The following RGS6 variants were observed in gnomAD, a reference collection of about 807,000 sequenced individuals.
The protein encoded by RGS6 is regulator of G-protein signaling 6.
A neutral mutation model predicts 78.5 loss-of-function variants in RGS6; 30 were observed. The ratio of observed to expected loss-of-function variants is 0.38; its 90% CI spans 0.29 to 0.52. RGS6 has a LOEUF of 0.52. Ranked by LOEUF, RGS6 falls within the 20% of genes least tolerant of loss-of-function variation. The pLI is 0.85. For synonymous variants in RGS6, 206 were observed against 206.0 expected (o/e 1.00, Z 0.00); for missense variants, 495 against 609.7 (o/e 0.81, Z 1.98).
chr14:72,587,815 G>T, the RGS6 span, among the ~76,000 whole-genome samples: 3 of 152,118 alleles, frequency 2.0e-5, no homozygotes, highest in African/African-American at 7.2e-5. Context: ...GGCACAACCC[G>T]CCCTGCTTGG....
chr14:72,204,901 A>T (rs1295899865), intron 2 of RGS6, among the ~76,000 whole-genome samples: 3 of 152,144 alleles, frequency 2.0e-5, no homozygotes, highest in Non-Finnish European at 4.4e-5. Context: ...TCTACTCTTT[A>T]ATATAAGATT....
chr14:72,412,665 G>A (rs1336173631), intron 3 of RGS6, among the ~76,000 whole-genome samples: 1 of 152,144 alleles, frequency 6.6e-6, no homozygotes, highest in Non-Finnish European at 1.5e-5. Context: ...ATGTTAGGGT[G>A]TCAATTTTAG....
chr14:72,471,918 CAG>C (rs1232999752), intron 8 of RGS6, among the ~76,000 whole-genome samples: 2 of 152,162 alleles, frequency 1.3e-5, no homozygotes, highest in African/African-American at 2.4e-5. Flanking sequence ...AAGTTATAAA[CAG>C]AGGGGAAATT....
chr14:72,199,511 G>C (rs2040994248), intron 2 of RGS6, among the ~76,000 whole-genome samples: 1 of 152,176 alleles, frequency 6.6e-6, no homozygotes, highest in Non-Finnish European at 1.5e-5. Flanking sequence ...TGTGAATGCT[G>C]ACTTCCTATA....
intron 2 of RGS6, among the ~76,000 whole-genome samples, chr14:72,238,416 C>T (rs1454827405): frequency 6.6e-6 from 1 of 152,172 alleles, no homozygotes; most frequent in Admixed American, 6.5e-5. Context: ...TTCCCTGTCT[C>T]CTGTCTGTAT....
chr14:72,425,964 G>A (rs570158122), intron 3 of RGS6, among the ~76,000 whole-genome samples: 4 of 152,072 alleles, frequency 2.6e-5, no homozygotes, highest in South Asian at 2.1e-4. Context: ...GAATCTAAGC[G>A]GTAAAATTGT....
the RGS6 span, among the ~76,000 whole-genome samples, chr14:72,593,008 T>C: frequency 6.6e-6 from 1 of 152,172 alleles, no homozygotes; most frequent in Non-Finnish European, 1.5e-5. Context: ...GAGGGGCCAC[T>C]TCGAGGGGTG....
the RGS6 span, among the ~76,000 whole-genome samples, chr14:71,926,902 A>G: frequency 2.0e-5 from 3 of 152,196 alleles, no homozygotes; most frequent in African/African-American, 4.8e-5. Flanking sequence ...CTTATTTACC[A>G]TGGTCCTAAC....
chr14:72,321,568 A>T (rs2152516556), intron 2 of RGS6, among the ~76,000 whole-genome samples: 1 of 152,190 alleles, frequency 6.6e-6, no homozygotes, highest in Admixed American at 6.5e-5. Flanking sequence ...TTAGAATAAA[A>T]CAAGGTTGAA....
chr14:72,190,261 G>A (rs1263477941), intron 2 of RGS6, among the ~76,000 whole-genome samples: 3 of 152,196 alleles, frequency 2.0e-5, no homozygotes, highest in Non-Finnish European at 4.4e-5. Context: ...CCTGGTAAAT[G>A]AAATCCTCTG....
chr14:72,628,462 C>T, the RGS6 span, among the ~76,000 whole-genome samples: 1 of 152,052 alleles, frequency 6.6e-6, no homozygotes, highest in Middle Eastern at 3.4e-3. Context: ...ATTACTCCAG[C>T]AATAAACAAA....
chr14:72,054,351 G>A (rs1188209618), intron 2 of RGS6, among the ~76,000 whole-genome samples: 5 of 152,038 alleles, frequency 3.3e-5, no homozygotes, highest in Admixed American at 3.3e-4. Context: ...CAAAGGTGGA[G>A]GAATCACTGT....
intron 2 of RGS6, among the ~76,000 whole-genome samples, chr14:72,004,639 G>T (rs1297839056): frequency 6.6e-6 from 1 of 152,028 alleles, no homozygotes; most frequent in Non-Finnish European, 1.5e-5. Flanking sequence ...TTCAAGACCA[G>T]CCTGGGCAAC....
chr14:72,168,402 G>A (rs1185373146), intron 2 of RGS6, among the ~76,000 whole-genome samples: 2 of 152,172 alleles, frequency 1.3e-5, no homozygotes, highest in African/African-American at 2.4e-5. Flanking sequence ...AGGGTCCTGT[G>A]ACCCAGAGCA....
chr14:71,929,941 A>G (rs1400607312), upstream of RGS6, among the ~76,000 whole-genome samples: 3 of 152,104 alleles, frequency 2.0e-5, no homozygotes, highest in Admixed American at 2.0e-4. Context: ...TGTCTCCATA[A>G]TTCTTTAAGT....
chr14:72,220,909 T>C (rs1441816011), intron 2 of RGS6, among the ~76,000 whole-genome samples: 1 of 152,102 alleles, frequency 6.6e-6, no homozygotes, highest in African/African-American at 2.4e-5. Flanking sequence ...CCCTGAGAAT[T>C]AGAGTAGAGA....
chr14:72,495,597 C>T (rs193237301), intron 13 of RGS6, among the ~76,000 whole-genome samples: 6 of 152,204 alleles, frequency 3.9e-5, no homozygotes, highest in South Asian at 2.1e-4. Context: ...ATAGCTGGCA[C>T]GTATTCTGCA....
At chr14:72,542,146 C>T (rs1196433078) in intron 17 of RGS6, among the ~76,000 whole-genome samples, 2 of 152,068 alleles carry the variant, frequency 1.3e-5, no homozygotes, top group African/African-American at 2.4e-5. Context: ...ATTTTATGAA[C>T]AAGAAACTCT....
chr14:72,166,667 A>C (rs2153672481), intron 2 of RGS6, among the ~76,000 whole-genome samples: 1 of 152,344 alleles, frequency 6.6e-6, no homozygotes, highest in Non-Finnish European at 1.5e-5. Context: ...TTTGAGGTCA[A>C]AGAATAATTG....
Sources: allele counts gnomAD v4.1 joint callset (sites outside exome capture counted in the v4.1 genomes callset), GRCh38; gene constraint gnomAD v4.1.1; transcripts MANE v1.5; gene names NCBI Gene and HGNC (gene_info 2026-07-23, HGNC 2026-07-21).